The following RICTOR variants were observed in gnomAD, a reference collection of about 807,000 sequenced individuals.
RICTOR encodes rapamycin-insensitive companion of mTOR.
Under a neutral mutation model 214.9 loss-of-function variants are expected in RICTOR, and 49 were observed. The observed-to-expected ratio is 0.23, with a 90% CI of 0.18 to 0.29. RICTOR has a LOEUF of 0.29. Among genes scored for constraint, RICTOR ranks in the 10% least tolerant of loss-of-function variants. The probability of loss-of-function intolerance (pLI) is 1.00; values close to 1 mark genes in which losing one functional copy is unlikely to be tolerated. For missense variants in RICTOR, 1,625 were observed against 2,047.0 expected (o/e 0.79, Z 3.98); for synonymous variants, 717 against 711.3 (o/e 1.01, Z -0.13).
Position 38,958,736 on chromosome 5 carries a change from C to T in RICTOR, c.2274G>A (p.Gln758=), listed in dbSNP as rs2150014675. 6.2e-7 allele frequency: 1 copy of T among 1,611,902 alleles called. No homozygotes were observed. Among genetic ancestry groups the T allele is most frequent in the Non-Finnish European group, 8.5e-7 (1 of 1,178,742 alleles). ...NNWGIELLVT[Q]LHDKNKTISS... ...AAATCGTTTTGTTTTTATCATGTAG[C>T]TGGGTCACTAACAACTCAATTCCCC... Residue 758 remains glutamine, a synonymous_variant, in exon 23 of 38, where the codon CAG becomes CAA. Coordinates refer to ENST00000357387, the MANE Select transcript of RICTOR (RefSeq NM_152756.5).
In RICTOR at chr5:38,950,647, A is replaced by ATCT; in HGVS notation, c.3198_3200dup (p.Glu1066dup). On this transcript the variant is annotated inframe_insertion, in exon 31 of 38. Coordinates refer to ENST00000357387, the MANE Select transcript of RICTOR (RefSeq NM_152756.5). ...ATCGGTCATAAAATGTTGGCTCTGTATCTTCATTGATATCAAGGAAAAATG... is the reference window on the plus strand; with the variant it reads ...ATCGGTCATAAAATGTTGGCTCTGTATCTTCTTCATTGATATCAAGGAAAAATG... The ATCT allele has an allele frequency of 4.3e-6, 7 of 1,612,352 alleles. No individual in the cohort carries two copies. In the South Asian group the frequency reaches 7.7e-5, roughly 18 times the overall value.
intron 3 of RICTOR, among the ~76,000 whole-genome samples, chr5:39,020,347 C>T (rs1052348115): frequency 3.3e-5 from 5 of 152,074 alleles, no homozygotes; most frequent in Admixed American, 1.3e-4. Flanking sequence ...AGAGTCAATG[C>T]GGCAAACTTC....
At chr5:38,974,495 T>C (rs1355842890) in intron 10 of RICTOR, among the ~76,000 whole-genome samples, 2 of 152,140 alleles carry the variant, frequency 1.3e-5, no homozygotes, top group East Asian at 3.9e-4. Context: ...GTAGCTAGGA[T>C]GCAGGATAGA....
At chr5:39,069,550 A>G (rs2150220759) in intron 2 of RICTOR, among the ~76,000 whole-genome samples, 2 of 152,344 alleles carry the variant, frequency 1.3e-5, no homozygotes, top group South Asian at 2.1e-4. Context: ...CAGACAATTG[A>G]GGAATTCACA....
At chr5:39,073,515 A>G (rs948260565) in intron 2 of RICTOR, among the ~76,000 whole-genome samples, 2 of 152,210 alleles carry the variant, frequency 1.3e-5, no homozygotes, top group African/African-American at 4.8e-5. Context: ...GGCCCGGGAA[A>G]GGGAAGCAGA....
At chr5:39,011,656 C>T (rs1026405310) in intron 3 of RICTOR, among the ~76,000 whole-genome samples, 4 of 152,248 alleles carry the variant, frequency 2.6e-5, no homozygotes, top group African/African-American at 9.6e-5. Flanking sequence ...ATCAGTGTGA[C>T]CTGGATGTGA....
chr5:39,021,539 T>C (rs539257894), intron 2 of RICTOR, among the ~76,000 whole-genome samples: 3 of 152,322 alleles, frequency 2.0e-5, no homozygotes, highest in Admixed American at 6.5e-5. Flanking sequence ...TGGGTTAGCA[T>C]GAGAGTGAGT....
chr5:38,975,655 A>G (rs944370763), intron 9 of RICTOR, 51 bp from the exon 10 acceptor site: 1 of 1,432,766 alleles, frequency 7.0e-7, no homozygotes, highest in African/African-American at 1.4e-5. Flanking sequence ...AAAATGTTAA[A>G]ATGAGTTTTT....
intron 2 of RICTOR, among the ~76,000 whole-genome samples, chr5:39,026,008 A>G (rs1480840887): frequency 2.0e-5 from 3 of 152,166 alleles, no homozygotes; most frequent in African/African-American, 7.2e-5. Flanking sequence ...AGAAATAGCA[A>G]AAAGAAACTT....
intron 7 of RICTOR, among the ~76,000 whole-genome samples, chr5:38,983,279 G>T (rs1214074438): frequency 6.6e-6 from 1 of 152,084 alleles, no homozygotes; most frequent in Non-Finnish European, 1.5e-5. Context: ...CTTTAAAATA[G>T]TATTGCTTTT....
rs752037290 is a variant in RICTOR, at chr5:38,966,764, A to T, written c.1219-43T>A. ...TAACACCACTGTTGCAAAATAATAC[A>T]TATGAAAACATTTATGCATCAGATT... On this transcript the variant is annotated intron_variant, in intron 14 of 37. Coordinates refer to ENST00000357387, the MANE Select transcript of RICTOR (RefSeq NM_152756.5). The T allele has an allele frequency of 1.9e-5, 20 of 1,042,188 alleles. No homozygotes were observed. In the South Asian group the frequency reaches 2.8e-4, roughly 15 times the overall value. The allele number at this position is 1,042,188 out of a possible 1,614,324, so 64.6% of individuals were successfully genotyped here. A position where few individuals can be genotyped will look rare whatever the true frequency, so the allele number is the denominator to read the frequency against.
chr5:38,982,784 A>G (rs1751825279), intron 7 of RICTOR, among the ~76,000 whole-genome samples: 1 of 50,720 alleles, frequency 2.0e-5, no homozygotes, highest in Non-Finnish European at 4.1e-5. Context: ...ACACATATAT[A>G]TATACATATA....
chr5:38,995,648 A>G (rs1256175780), intron 6 of RICTOR, among the ~76,000 whole-genome samples: 1 of 152,144 alleles, frequency 6.6e-6, no homozygotes, highest in Non-Finnish European at 1.5e-5. Context: ...ACATATTAAT[A>G]TATATTTTAG....
Position 38,964,880 on chromosome 5 carries a change from G to GAATT in RICTOR, c.1308_1311dup (p.Leu438AsnfsTer7), listed in dbSNP as rs1302365714. The GAATT allele has an allele frequency of 6.2e-7, 1 of 1,602,348 alleles. No individual in the cohort carries two copies. The highest frequency in any genetic ancestry group is 1.1e-5 in the South Asian group (1 of 90,140). On this transcript the variant is annotated frameshift_variant, in exon 16 of 38. Transcript: ENST00000357387. LOFTEE classifies it high-confidence loss of function. The stretch of plus-strand genomic sequence containing the variant: ...AAATGATGGCTATGTGAATGAGGAA[G>GAATT]AATTGTGTTTGCCTAAAATGAAGCA...
At chr5:39,045,365 C>T (rs1230329497) in intron 2 of RICTOR, among the ~76,000 whole-genome samples, 1 of 152,092 alleles carries the variant, frequency 6.6e-6, no homozygotes, top group Admixed American at 6.5e-5. Flanking sequence ...CTGAAAAATA[C>T]AGTCTGCAAC....
intron 2 of RICTOR, among the ~76,000 whole-genome samples, chr5:39,060,501 C>A (rs938177062): frequency 6.6e-6 from 1 of 151,914 alleles, no homozygotes; most frequent in African/African-American, 2.4e-5. Context: ...ATCAAAAGAG[C>A]GGTGAGGTAT....
rs540662318 is a variant in RICTOR, at chr5:39,048,665, T to C, written c.97+25446A>G. Among the ~76,000 whole-genome samples, 303 of 152,302 alleles carry C rather than the reference T, an allele frequency of 2.0e-3. 2 individuals are homozygous for C. Among genetic ancestry groups the C allele is most frequent in the Middle Eastern group, 0.01 (3 of 294 alleles). ...GACTTTGCCCCATGTATCTTTTCCC[T>C]TTGCTAATTTTGTGTCATATCTTTT... On this transcript the variant is annotated intron_variant, in intron 2 of 37. Coordinates refer to ENST00000357387, the MANE Select transcript of RICTOR (RefSeq NM_152756.5).
At chr5:39,038,144 G>A (rs1035334079) in intron 2 of RICTOR, among the ~76,000 whole-genome samples, 2 of 152,258 alleles carry the variant, frequency 1.3e-5, no homozygotes, top group Middle Eastern at 3.4e-3. Context: ...CTTCATCCCT[G>A]GGATGCAAGG....
chr5:38,950,571 G>T lies in RICTOR; in HGVS notation c.3277C>A (p.Leu1093Ile). ...NSFPFFASSK[L>I]VKNRILNSLT... ...GAATTTAAGATACGATTCTTCACAA[G>T]TTTACTAGAAGCAAAGAAAGGGAAT... Residue 1093 changes from leucine (L) to isoleucine (I), a missense_variant, in exon 31 of 38, where the codon CTT (leucine) becomes ATT (isoleucine). Physicochemically the swap from Leu to Ile is conservative, Grantham distance 5. Transcript: ENST00000357387. 6.2e-7 allele frequency: 1 copy of T among 1,613,238 alleles called. No homozygotes were observed. The highest frequency in any genetic ancestry group is 8.5e-7 in the Non-Finnish European group (1 of 1,179,496).
Sources: gnomAD v4.1 joint callset for allele counts (sites outside exome capture counted in the v4.1 genomes callset) on GRCh38, gnomAD v4.1.1 for gene constraint, MANE v1.5 for transcripts, NCBI Gene and HGNC (gene_info 2026-07-23, HGNC 2026-07-21) for gene names.